Variants in TMEM232 observed in about 807,000 individuals in gnomAD.
TMEM232 encodes transmembrane protein 232.
In TMEM232, 80 loss-of-function variants were observed where a neutral mutation model predicts 78.8. The ratio of observed to expected loss-of-function variants is 1.01; its 90% CI spans 0.85 to 1.22. TMEM232 has a LOEUF of 1.22. Ranked by LOEUF, TMEM232 falls within the 50% of genes most tolerant of loss-of-function variation. The pLI, the probability that TMEM232 is intolerant of heterozygous loss-of-function variation, is 0.00. For synonymous variants in TMEM232, 297 were observed against 254.3 expected (o/e 1.17, Z -1.60); for missense variants, 881 against 742.2 (o/e 1.19, Z -2.17).
chr5:110,445,896 C>T (rs1041820803), intron 12 of TMEM232, among the ~76,000 whole-genome samples: 2 of 152,124 alleles, frequency 1.3e-5, no homozygotes, highest in Admixed American at 1.3e-4. Context: ...AGAGAAATTA[C>T]AATCTTTTTG....
intron 3 of TMEM232, among the ~76,000 whole-genome samples, chr5:110,392,039 T>C (rs1288420075): frequency 2.6e-5 from 4 of 152,234 alleles, no homozygotes; most frequent in Non-Finnish European, 5.9e-5. Context: ...CATATTTCTT[T>C]GTATGTTCTA....
chr5:110,442,369 C>A (rs1759153681), intron 12 of TMEM232, among the ~76,000 whole-genome samples: 1 of 151,800 alleles, frequency 6.6e-6, no homozygotes, highest in Admixed American at 6.6e-5. Flanking sequence ...TTTTCAAGCT[C>A]ACTAATTCTT....
intron 2 of TMEM232, among the ~76,000 whole-genome samples, chr5:110,399,599 T>C (rs951712669): frequency 1.3e-5 from 2 of 152,090 alleles, no homozygotes; most frequent in Non-Finnish European, 2.9e-5. Context: ...CTCCAAATCA[T>C]CATGTGTCTG....
At chr5:110,498,074 C>A (rs1381989375) in intron 12 of TMEM232, among the ~76,000 whole-genome samples, 2 of 152,142 alleles carry the variant, frequency 1.3e-5, no homozygotes, top group Non-Finnish European at 2.9e-5. Context: ...TTTATCAAAC[C>A]TAAGTTAAAG....
At chr5:110,458,483 G>C (rs942272160) in intron 12 of TMEM232, among the ~76,000 whole-genome samples, 1 of 152,136 alleles carries the variant, frequency 6.6e-6, no homozygotes, top group Non-Finnish European at 1.5e-5. Flanking sequence ...ATAGGCCCTG[G>C]CAGCATGAAT....
chr5:110,625,926 C>T (rs558309322), intron 6 of TMEM232, among the ~76,000 whole-genome samples: 1 of 144,868 alleles, frequency 6.9e-6, no homozygotes, highest in African/African-American at 2.6e-5. Flanking sequence ...TTTAACATAA[C>T]ACCACATTAT....
chr5:110,589,612 T>G (rs1314644419), intron 10 of TMEM232, among the ~76,000 whole-genome samples: 1 of 152,132 alleles, frequency 6.6e-6, no homozygotes, highest in African/African-American at 2.4e-5. Flanking sequence ...TATACTTCTT[T>G]GGACAAATAA....
chr5:110,464,137 C>T (rs1055882915), intron 12 of TMEM232, among the ~76,000 whole-genome samples: 1 of 152,162 alleles, frequency 6.6e-6, no homozygotes, highest in Non-Finnish European at 1.5e-5. Flanking sequence ...CGAAGTTACA[C>T]ATTTGTTGTC....
intron 10 of TMEM232, among the ~76,000 whole-genome samples, chr5:110,591,915 TG>T (rs1403999933): frequency 6.6e-6 from 1 of 152,186 alleles, no homozygotes; most frequent in Non-Finnish European, 1.5e-5. Context: ...ATAAGTATTT[TG>T]AAAAAGCCCA....
chr5:110,568,711 T>C lies in TMEM232; in HGVS notation c.1277-86A>G, dbSNP rs1287568658. ...TGTGTGAAACAGAATAAACCAATTT[T>C]ACTATAATTCATAATAATATTCTAA... On this transcript the variant is annotated intron_variant, in intron 10 of 13. Transcript: ENST00000455884. 12 of 1,279,210 alleles carry C rather than the reference T, an allele frequency of 9.4e-6. No individual in the cohort carries two copies. The South Asian group carries it at 1.3e-4, about 14-fold the overall frequency. 79.2% of individuals were successfully genotyped at this position (1,279,210 alleles called of 1,614,324 possible).
chr5:110,453,529 TG>T (rs5870413), intron 12 of TMEM232, among the ~76,000 whole-genome samples: 152,256 of 152,258 alleles, frequency 1, 76,127 homozygotes, highest in Middle Eastern at 1. Context: ...CTTGATCTCC[TG>T]GACCTCATGA....
intron 12 of TMEM232, among the ~76,000 whole-genome samples, chr5:110,497,694 G>A (rs1261958907): frequency 1.3e-5 from 2 of 152,034 alleles, no homozygotes; most frequent in East Asian, 1.9e-4. Context: ...ACCTCAATAC[G>A]TAGAACTTTC....
chr5:110,687,077 C>A (rs1200378434), intron 1 of TMEM232, among the ~76,000 whole-genome samples: 1 of 152,090 alleles, frequency 6.6e-6, no homozygotes, highest in Non-Finnish European at 1.5e-5. Context: ...TAGATTAATA[C>A]AATAACTGCT....
At chr5:110,415,276 C>A (rs1192897229), downstream of TMEM232, among the ~76,000 whole-genome samples, 1 of 151,850 alleles carries the variant, frequency 6.6e-6, no homozygotes, top group Non-Finnish European at 1.5e-5. Context: ...CAAGCTCTGC[C>A]TCCCAGGTTC....
At chr5:110,449,442 G>A (rs1044092589) in intron 12 of TMEM232, among the ~76,000 whole-genome samples, 2 of 151,828 alleles carry the variant, frequency 1.3e-5, no homozygotes, top group African/African-American at 4.8e-5. Flanking sequence ...GAAATAAAAT[G>A]GTTGCTTTTT....
chr5:110,738,854 C>T (rs756939894), upstream of TMEM232: 2 of 723,714 alleles, frequency 2.8e-6, no homozygotes, highest in Non-Finnish European at 4.3e-6. Context: ...ATCCCACAAC[C>T]ATATTCCCAC....
chr5:110,598,123 G>A (rs1294161462), intron 10 of TMEM232, among the ~76,000 whole-genome samples: 1 of 152,020 alleles, frequency 6.6e-6, no homozygotes, highest in Non-Finnish European at 1.5e-5. Flanking sequence ...ATCTGACAAA[G>A]GGCTAATATC....
upstream of TMEM232, among the ~76,000 whole-genome samples, chr5:110,729,949 C>G (rs1013425163): frequency 1.2e-4 from 19 of 152,186 alleles, 1 homozygote; most frequent in Non-Finnish European, 2.5e-4. Flanking sequence ...TGACTGTTCT[C>G]TCAGGATAAC....
intron 12 of TMEM232, among the ~76,000 whole-genome samples, chr5:110,451,863 A>AT (rs1387142658): frequency 6.6e-6 from 1 of 152,060 alleles, no homozygotes; most frequent in Non-Finnish European, 1.5e-5. Flanking sequence ...TAAGTATGAT[A>AT]TCTTTTTTAA....
Sources: gnomAD v4.1 joint callset for allele counts (sites outside exome capture counted in the v4.1 genomes callset) on GRCh38, gnomAD v4.1.1 for gene constraint, MANE v1.5 for transcripts, NCBI Gene and HGNC (gene_info 2026-07-23, HGNC 2026-07-21) for gene names.